Variants in GALNTL6 observed in about 807,000 individuals in gnomAD.
GALNTL6 encodes polypeptide N-acetylgalactosaminyltransferase-like 6.
GALNTL6 carries 46 observed loss-of-function variants against 73.7 expected under a neutral mutation model. The ratio of observed to expected loss-of-function variants is 0.62; its 90% CI spans 0.49 to 0.80. The LOEUF (loss-of-function observed/expected upper bound fraction) is 0.80, where lower values mean the gene tolerates loss of function less well. Ranked by LOEUF, GALNTL6 falls within the 30% of genes least tolerant of loss-of-function variation. The probability of loss-of-function intolerance (pLI) is 0.00; values close to 1 mark genes in which losing one functional copy is unlikely to be tolerated. For missense variants in GALNTL6, 604 were observed against 755.0 expected, an observed-to-expected ratio of 0.80 and a Z score of 2.34; for synonymous variants, 259 against 263.7, an observed-to-expected ratio of 0.98 and a Z score of 0.17.
intron 5 of GALNTL6, among the ~76,000 whole-genome samples, chr4:172,706,837 C>T (rs563730232): frequency 3.9e-5 from 6 of 152,302 alleles, no homozygotes; most frequent in Non-Finnish European, 7.4e-5. Flanking sequence ...TGTACAGCCT[C>T]TCTAACTTGC....
At chr4:172,781,553 C>G (rs952577800) in intron 5 of GALNTL6, among the ~76,000 whole-genome samples, 7 of 152,140 alleles carry the variant, frequency 4.6e-5, no homozygotes, top group Non-Finnish European at 1.0e-4. Context: ...CTGACACTCT[C>G]AGGAACACCT....
At chr4:172,975,738 G>A (rs1561065535) in intron 10 of GALNTL6, among the ~76,000 whole-genome samples, 1 of 152,184 alleles carries the variant, frequency 6.6e-6, no homozygotes, top group South Asian at 2.1e-4. Context: ...CGGCGAGGGG[G>A]CTAAGGGAGG....
At chr4:172,312,545 C>T (rs764423926) in intron 4 of GALNTL6, among the ~76,000 whole-genome samples, 1 of 152,120 alleles carries the variant, frequency 6.6e-6, no homozygotes, top group Non-Finnish European at 1.5e-5. Context: ...ACTAATATAG[C>T]TATCCTTTCA....
chr4:172,219,818 A>G (rs1736614705), intron 2 of GALNTL6, among the ~76,000 whole-genome samples: 1 of 151,952 alleles, frequency 6.6e-6, no homozygotes, highest in Non-Finnish European at 1.5e-5. Context: ...TATTTATGCT[A>G]GATAGCCAAT....
chr4:172,265,320 G>T (rs1260650450), intron 3 of GALNTL6, among the ~76,000 whole-genome samples: 1 of 152,050 alleles, frequency 6.6e-6, no homozygotes, highest in African/African-American at 2.4e-5. Context: ...GTTGCTTATT[G>T]AGTCAATAAC....
intron 10 of GALNTL6, among the ~76,000 whole-genome samples, chr4:172,992,662 C>G (rs1198368733): frequency 6.6e-6 from 1 of 152,114 alleles, no homozygotes; most frequent in African/African-American, 2.4e-5. Context: ...CTGGGTAGCA[C>G]CAGCTAATCC....
At chr4:172,193,327 CT>C (rs777169821) in intron 2 of GALNTL6, among the ~76,000 whole-genome samples, 1 of 152,196 alleles carries the variant, frequency 6.6e-6, no homozygotes, top group African/African-American at 2.4e-5. Flanking sequence ...TAGCAGGCAG[CT>C]ATCTTTGCTG....
At chr4:172,853,960 C>G (rs1350207202) in intron 7 of GALNTL6, among the ~76,000 whole-genome samples, 2 of 152,056 alleles carry the variant, frequency 1.3e-5, no homozygotes, top group Non-Finnish European at 1.5e-5. Flanking sequence ...TTCTCAGTAA[C>G]CTCCAATAAC....
intron 7 of GALNTL6, among the ~76,000 whole-genome samples, chr4:172,881,858 C>T (rs369731604): frequency 1.5e-4 from 23 of 152,226 alleles, no homozygotes; most frequent in Admixed American, 4.6e-4. Context: ...AGAGCCCTAG[C>T]GCAGCCTCAC....
At chr4:172,478,886 A>C (rs2124205) in intron 5 of GALNTL6, among the ~76,000 whole-genome samples, 97,156 of 151,944 alleles carry the variant, frequency 0.64, 31,801 homozygotes, top group South Asian at 0.82. Context: ...GAAGATGTAC[A>C]AATGGCCAAC....
intron 3 of GALNTL6, among the ~76,000 whole-genome samples, chr4:172,250,459 T>C (rs989555617): frequency 2.0e-5 from 3 of 152,066 alleles, no homozygotes; most frequent in Non-Finnish European, 4.4e-5. Context: ...TGAGATTTGG[T>C]TGGGGCCAGG....
intron 4 of GALNTL6, among the ~76,000 whole-genome samples, chr4:172,320,559 G>T (rs1410280773): frequency 6.6e-6 from 1 of 152,200 alleles, no homozygotes; most frequent in Non-Finnish European, 1.5e-5. Context: ...AGCCTAGACT[G>T]TAGGCCAGCC....
chr4:172,764,243 C>T (rs1738276864), intron 5 of GALNTL6, among the ~76,000 whole-genome samples: 1 of 152,218 alleles, frequency 6.6e-6, no homozygotes, highest in Non-Finnish European at 1.5e-5. Flanking sequence ...AGGCGCGAAC[C>T]ACCGCGCCTG....
intron 2 of GALNTL6, among the ~76,000 whole-genome samples, chr4:171,944,678 C>A (rs1738648687): frequency 6.6e-6 from 1 of 151,852 alleles, no homozygotes; most frequent in Admixed American, 6.6e-5. Flanking sequence ...ATTTAAGTTT[C>A]CTCTGGGTGT....
At chr4:171,939,307 A>G (rs1738451261) in intron 2 of GALNTL6, among the ~76,000 whole-genome samples, 1 of 151,950 alleles carries the variant, frequency 6.6e-6, no homozygotes, top group South Asian at 2.1e-4. Context: ...TTGATAAGCC[A>G]TCAATAGGTT....
intron 3 of GALNTL6, among the ~76,000 whole-genome samples, chr4:172,295,910 A>C (rs1026955354): frequency 5.3e-5 from 8 of 152,118 alleles, no homozygotes; most frequent in Non-Finnish European, 7.4e-5. Context: ...TATCAAAAAT[A>C]AAGTTTTATT....
At chr4:172,337,726 G>A (rs994075203) in intron 4 of GALNTL6, among the ~76,000 whole-genome samples, 10 of 137,316 alleles carry the variant, frequency 7.3e-5, no homozygotes, top group Admixed American at 6.8e-4. Flanking sequence ...TGTTGACCTT[G>A]ATCAGTCTGG....
intron 10 of GALNTL6, among the ~76,000 whole-genome samples, chr4:172,966,555 C>T (rs906897227): frequency 1.3e-5 from 2 of 152,178 alleles, no homozygotes; most frequent in African/African-American, 2.4e-5. Context: ...CCACCACGCC[C>T]AGCTAATTTT....
At chr4:171,943,703 C>T (rs886498929) in intron 2 of GALNTL6, among the ~76,000 whole-genome samples, 2 of 152,128 alleles carry the variant, frequency 1.3e-5, no homozygotes, top group Admixed American at 1.3e-4. Flanking sequence ...ATGTTCTTAA[C>T]GCTTTCTCAG....
Sources: gnomAD v4.1 joint callset for allele counts (sites outside exome capture counted in the v4.1 genomes callset) on GRCh38, gnomAD v4.1.1 for gene constraint, MANE v1.5 for transcripts, NCBI Gene and HGNC (gene_info 2026-07-23, HGNC 2026-07-21) for gene names.